The following ADORA2B variants were observed in gnomAD, a reference collection of about 807,000 sequenced individuals.
The protein encoded by ADORA2B is adenosine A2b receptor, also known as adenosine receptor A2b.
Under a neutral mutation model 20.8 loss-of-function variants are expected in ADORA2B, and 18 were observed. That is an observed-to-expected ratio of 0.87 (90% CI 0.60 to 1.29). ADORA2B has a LOEUF of 1.29. Ranked by LOEUF, ADORA2B falls within the 50% of genes most tolerant of loss-of-function variation. ADORA2B has a pLI of 0.00. For synonymous variants in ADORA2B, 179 were observed against 178.3 expected, an observed-to-expected ratio of 1.00 and a Z score of -0.03; for missense variants, 441 against 422.7, an observed-to-expected ratio of 1.04 and a Z score of -0.38.
the ADORA2B span, among the ~76,000 whole-genome samples, chr17:15,884,138 G>A: frequency 6.6e-6 from 1 of 152,264 alleles, no homozygotes; most frequent in South Asian, 2.1e-4. Context: ...CACTGAAACT[G>A]TTCCTCCAGA....
rs1415282000 is a variant in ADORA2B at position 15,945,408 on chromosome 17, G to T, written c.160G>T (p.Val54Leu). ...YFLVSLAAAD[V>L]AVGLFAIPFA... ...CCTGGTGTCCCTGGCTGCGGCCGAC[G>T]TGGCCGTGGGGCTCTTCGCCATCCC... The change falls in exon 1 of 2, where the codon GTG becomes TTG. Residue 54 changes from valine to leucine, a missense_variant. Transcript: ENST00000304222. 1.9e-6 allele frequency: 3 copies of T among 1,613,482 alleles called. No individual in the cohort carries two copies.
At chr17:15,973,773 C>T (rs989375511) in intron 1 of ADORA2B, 2 of 152,178 alleles carry the variant, frequency 1.3e-5, no homozygotes, top group Non-Finnish European at 2.9e-5. Context: ...TTACAGAAGA[C>T]CTAGACTCAA....
In ADORA2B at chr17:15,945,528, T is replaced by G. The variant is rs1969791468; in HGVS notation, c.280T>G (p.Phe94Val). 6.2e-7 allele frequency: 1 copy of G among 1,603,494 alleles called. No homozygotes were observed. The highest frequency in any genetic ancestry group is 8.5e-7 in the Non-Finnish European group (1 of 1,176,360). Residue 94 changes from phenylalanine (F) to valine (V), a missense_variant, in exon 1 of 2, where the codon TTC (phenylalanine) becomes GTC (valine). Phe to Val is a conservative substitution (Grantham distance 50). Coordinates refer to ENST00000304222, the MANE Select transcript of ADORA2B (RefSeq NM_000676.4). The stretch of plus-strand genomic sequence containing the variant: ...GCTGGTGCTCACGCAGAGCTCCATC[T>G]TCAGCCTTCTGGCCGTGGCAGTCGA... ...FVLVLTQSSIFSLLAVAVDRY... is the reference protein window; with the variant it reads ...FVLVLTQSSIVSLLAVAVDRY...
chr17:15,862,202 TTTTC>T, the ADORA2B span, among the ~76,000 whole-genome samples: 12 of 128,912 alleles, frequency 9.3e-5, no homozygotes, highest in Admixed American at 3.4e-4. Context: ...TTTTCTTTTC[TTTTC>T]TTTTCTTTTT....
chr17:15,964,478 A>G (rs987647559), intron 1 of ADORA2B, among the ~76,000 whole-genome samples: 9 of 151,324 alleles, frequency 5.9e-5, no homozygotes, highest in Middle Eastern at 3.2e-3. Flanking sequence ...GTGTGGTGGC[A>G]GGCGCCTGTA....
At position 15,974,681 on chromosome 17, in the gene ADORA2B, A is replaced by G. The variant is rs753626617; in HGVS notation, c.338A>G (p.Tyr113Cys). 1.2e-6 allele frequency: 2 copies of G among 1,612,538 alleles called. No homozygotes were observed. Among genetic ancestry groups the G allele is most frequent in the Non-Finnish European group, 1.7e-6 (2 of 1,178,940 alleles). Residue 113 changes from tyrosine (Y) to cysteine (C), a missense_variant and splice_region_variant, in exon 2 of 2, where the codon TAT (tyrosine) becomes TGT (cysteine). Tyr to Cys is a radical substitution (Grantham distance 194). Transcript: ENST00000304222. The stretch of plus-strand genomic sequence containing the variant: ...ACAGATGGTATTCTTTTAAACAGGT[A>G]TAAAAGTTTGGTCACGGGGACCCGA... ...RYLAICVPLR[Y>C]KSLVTGTRAR...
chr17:15,939,859 CAAAAAAAAAAAA>C, the ADORA2B span, among the ~76,000 whole-genome samples: 4 of 53,366 alleles, frequency 7.5e-5, no homozygotes, highest in Non-Finnish European at 1.1e-4. Flanking sequence ...GACTCTGTCT[CAAAAAAAAAAAA>C]AAAAAAAAAA....
the ADORA2B span, among the ~76,000 whole-genome samples, chr17:15,933,808 C>A: frequency 6.6e-6 from 1 of 151,658 alleles, no homozygotes; most frequent in Non-Finnish European, 1.5e-5. Flanking sequence ...AGTTTTAGTT[C>A]TCCTTTCTAA....
intron 1 of ADORA2B, among the ~76,000 whole-genome samples, chr17:15,954,058 A>C (rs1969938708): frequency 6.6e-6 from 1 of 151,732 alleles, no homozygotes; most frequent in Non-Finnish European, 1.5e-5. Flanking sequence ...ACCTCACTGC[A>C]ACCTCCGATT....
At chr17:15,873,943 T>G in the ADORA2B span, among the ~76,000 whole-genome samples, 1 of 152,132 alleles carries the variant, frequency 6.6e-6, no homozygotes, top group East Asian at 1.9e-4. Context: ...CACACATGCA[T>G]GTTTATAGCA....
chr17:15,960,336 C>T (rs4563073), intron 1 of ADORA2B, among the ~76,000 whole-genome samples: 2,198 of 8,094 alleles, frequency 0.27, 491 homozygotes, highest in Non-Finnish European at 0.71. Context: ...GGGCGGATCA[C>T]GAGGTCAGGA....
At chr17:15,863,374 C>T in the ADORA2B span, among the ~76,000 whole-genome samples, 1 of 151,900 alleles carries the variant, frequency 6.6e-6, no homozygotes, top group South Asian at 2.1e-4. Context: ...AGATGGGGGT[C>T]TCGCTCTGTT....
chr17:15,851,148 C>T, the ADORA2B span, among the ~76,000 whole-genome samples: 12 of 151,220 alleles, frequency 7.9e-5, no homozygotes, highest in Non-Finnish European at 8.8e-5. Flanking sequence ...TTTTTGACCA[C>T]TAAAGGGGCT....
chr17:15,870,655 A>G, the ADORA2B span, among the ~76,000 whole-genome samples: 1 of 151,844 alleles, frequency 6.6e-6, no homozygotes, highest in Non-Finnish European at 1.5e-5. Context: ...CGTTGCAGGC[A>G]AATTGTTTTT....
chr17:15,904,665 C>T, the ADORA2B span, among the ~76,000 whole-genome samples: 62 of 152,194 alleles, frequency 4.1e-4, no homozygotes, highest in Admixed American at 7.9e-4. Context: ...CGTGAGCCAC[C>T]GCGCCCGGCC....
At chr17:15,876,414 CTTTTT>C in the ADORA2B span, among the ~76,000 whole-genome samples, 11,902 of 137,630 alleles carry the variant, frequency 0.086, 1,351 homozygotes, top group African/African-American at 0.26. Flanking sequence ...AGCTTAAGGT[CTTTTT>C]TTTTTCTTTC....
chr17:15,945,937 G>A (rs768179791), intron 1 of ADORA2B, among the ~76,000 whole-genome samples: 2 of 152,150 alleles, frequency 1.3e-5, no homozygotes, highest in Non-Finnish European at 2.9e-5. Flanking sequence ...CGGGGCGCGG[G>A]AGTTTTGGTG....
chr17:15,891,126 C>T, the ADORA2B span, among the ~76,000 whole-genome samples: 114 of 152,208 alleles, frequency 7.5e-4, 1 homozygote, highest in Admixed American at 7.4e-3. Flanking sequence ...ATTAGCCGGG[C>T]GTGGTGGCGG....
At chr17:15,868,579 T>C in the ADORA2B span, among the ~76,000 whole-genome samples, 1 of 132,132 alleles carries the variant, frequency 7.6e-6, no homozygotes, top group Non-Finnish European at 1.7e-5. Context: ...GAGACCATCC[T>C]GGCTAACACA....
Sources: allele counts gnomAD v4.1 joint callset (sites outside exome capture counted in the v4.1 genomes callset), GRCh38; gene constraint gnomAD v4.1.1; transcripts MANE v1.5; gene names NCBI Gene and HGNC (gene_info 2026-07-23, HGNC 2026-07-21).